GRID2: variants seen among roughly 807,000 people sequenced by gnomAD.
GRID2 encodes glutamate receptor ionotropic, delta-2.
A neutral mutation model predicts 114.8 loss-of-function variants in GRID2; 33 were observed. That is an observed-to-expected ratio of 0.29 (90% CI 0.22 to 0.38). The LOEUF (loss-of-function observed/expected upper bound fraction) is 0.38, where lower values mean the gene tolerates loss of function less well. Ranked by LOEUF, GRID2 falls within the 10% of genes least tolerant of loss-of-function variation. GRID2 has a pLI of 1.00. For synonymous variants in GRID2, 505 were observed against 449.9 expected (o/e 1.12, Z -1.55); for missense variants, 1,184 against 1,257.7 (o/e 0.94, Z 0.89).
At chr4:93,627,613 G>A (rs986931259) in intron 14 of GRID2, among the ~76,000 whole-genome samples, 8 of 152,188 alleles carry the variant, frequency 5.3e-5, no homozygotes, top group African/African-American at 1.9e-4. Context: ...TTCAAGCTGT[G>A]GGTCAACTGC....
At chr4:92,987,846 A>G (rs1273124861) in intron 2 of GRID2, among the ~76,000 whole-genome samples, 1 of 152,154 alleles carries the variant, frequency 6.6e-6, no homozygotes, top group African/African-American at 2.4e-5. Context: ...TATGGTACCG[A>G]GAATGGGAGT....
intron 1 of GRID2, among the ~76,000 whole-genome samples, chr4:92,493,040 A>C (rs1056505751): frequency 1.3e-5 from 2 of 151,306 alleles, no homozygotes; most frequent in Non-Finnish European, 2.9e-5. Flanking sequence ...GAGGTCGGAG[A>C]ATTGCTTGAA....
Position 93,277,305 on chromosome 4 carries a change from G to A in GRID2, c.1245+38815G>A, listed in dbSNP as rs183843724. 2.5e-3 allele frequency among the ~76,000 whole-genome samples: 376 copies of A among 152,004 alleles called. 3 individuals carry two copies. The highest frequency in any genetic ancestry group is 8.2e-3 in the African/African-American group (341 of 41,546). On this transcript the variant is annotated intron_variant, in intron 8 of 15. Transcript: ENST00000282020. ...CACAATGAAACATAAGCAGGGACCT[G>A]ACACTGGCAAAGTTAGCATATTTGT...
intron 14 of GRID2, among the ~76,000 whole-genome samples, chr4:93,654,551 T>A (rs988897137): frequency 6.6e-6 from 1 of 152,172 alleles, no homozygotes; most frequent in Admixed American, 6.5e-5. Flanking sequence ...TATTACAGAC[T>A]ATAGTGCCTG....
intron 1 of GRID2, among the ~76,000 whole-genome samples, chr4:93,794,214 A>T (rs909955713): frequency 6.6e-6 from 1 of 152,178 alleles, no homozygotes; most frequent in Non-Finnish European, 1.5e-5. Flanking sequence ...TGGCAGTGAT[A>T]CGTCTGTGGA....
At position 93,481,100 on chromosome 4, in the gene GRID2, T is replaced by A. The variant is rs139656710; in HGVS notation, c.1859-9539T>A. On this transcript the variant is annotated intron_variant, in intron 11 of 15. Transcript: ENST00000282020. ...CCCTAATAGATACTTAATGTCATAC[T>A]ATTTGGTGTAAACTTTTATAAGTGG... Among the ~76,000 whole-genome samples the A allele has an allele frequency of 7.1e-3, 1,088 of 152,186 alleles. 13 individuals are homozygous for A. The highest frequency in any genetic ancestry group is 0.025 in the African/African-American group (1,037 of 41,566).
At chr4:93,049,267 A>G (rs1203230073) in intron 2 of GRID2, among the ~76,000 whole-genome samples, 2 of 152,062 alleles carry the variant, frequency 1.3e-5, no homozygotes, top group East Asian at 3.9e-4. Flanking sequence ...ACCTAACAGC[A>G]TTCTCATTTA....
At chr4:93,247,478 G>A (rs988910013) in intron 8 of GRID2, among the ~76,000 whole-genome samples, 8 of 152,022 alleles carry the variant, frequency 5.3e-5, no homozygotes, top group East Asian at 1.9e-4. Context: ...GTTCTCTTGC[G>A]CTCAGACATG....
intron 14 of GRID2, among the ~76,000 whole-genome samples, chr4:93,677,554 G>A (rs1056728011): frequency 2.7e-4 from 41 of 152,094 alleles, no homozygotes; most frequent in African/African-American, 5.8e-4. Context: ...CTGACACCTC[G>A]CACGGCCGGG....
In GRID2 at chr4:92,334,936, G is replaced by A. The variant is rs994346405; in HGVS notation, c.88+30192G>A. ...CTGGATCAAATTGTGCCTGGAGCCT[G>A]CCCTCCCTCTAGAGTTTTCATTATA... On this transcript the variant is annotated intron_variant, in intron 1 of 15. Transcript: ENST00000282020. 3.3e-5 allele frequency among the ~76,000 whole-genome samples: 5 copies of A among 152,170 alleles called. No individual in the cohort carries two copies. In the South Asian group the frequency reaches 1.0e-3, roughly 32 times the overall value.
intron 13 of GRID2, among the ~76,000 whole-genome samples, chr4:93,530,097 A>G (rs973989634): frequency 6.6e-5 from 10 of 152,066 alleles, no homozygotes; most frequent in Admixed American, 6.6e-4. Flanking sequence ...ACATCTCTCC[A>G]ATTTATTCTC....
chr4:92,921,283 C>T (rs181356787), intron 2 of GRID2, among the ~76,000 whole-genome samples: 69 of 152,018 alleles, frequency 4.5e-4, no homozygotes, highest in Middle Eastern at 3.4e-3. Flanking sequence ...ACTTCTTTAC[C>T]GTGGGTTCGA....
intron 2 of GRID2, among the ~76,000 whole-genome samples, chr4:92,805,418 C>T (rs1007969467): frequency 6.6e-6 from 1 of 152,022 alleles, no homozygotes; most frequent in African/African-American, 2.4e-5. Context: ...GGAAATACAA[C>T]ATCCTTCTTT....
At chr4:93,441,130 T>C (rs1194116194) in intron 10 of GRID2, among the ~76,000 whole-genome samples, 1 of 152,116 alleles carries the variant, frequency 6.6e-6, no homozygotes, top group African/African-American at 2.4e-5. Context: ...AAATCCACGG[T>C]TGGCTATTGA....
chr4:93,000,986 A>G (rs1295673160), intron 2 of GRID2, among the ~76,000 whole-genome samples: 1 of 151,674 alleles, frequency 6.6e-6, no homozygotes, highest in Non-Finnish European at 1.5e-5. Context: ...CAAAAAAGTA[A>G]TAAGTAGATA....
intron 8 of GRID2, among the ~76,000 whole-genome samples, chr4:93,284,988 C>T (rs567160943): frequency 6.6e-6 from 1 of 151,938 alleles, no homozygotes; most frequent in East Asian, 1.9e-4. Context: ...AAAACTGATA[C>T]ATCAGTGATG....
chr4:92,575,799 T>C (rs1323025382), intron 1 of GRID2, among the ~76,000 whole-genome samples: 1 of 152,152 alleles, frequency 6.6e-6, no homozygotes, highest in Non-Finnish European at 1.5e-5. Flanking sequence ...AGCTGAGATA[T>C]TTGAACAGCC....
intron 12 of GRID2, among the ~76,000 whole-genome samples, chr4:93,494,174 T>A (rs996136647): frequency 6.6e-6 from 1 of 151,892 alleles, no homozygotes; most frequent in African/African-American, 2.4e-5. Context: ...AATGTCATGC[T>A]TCTTAATCAT....
At chr4:93,756,333 C>CT (rs1396377357) in intron 14 of GRID2, among the ~76,000 whole-genome samples, 19 of 152,226 alleles carry the variant, frequency 1.2e-4, no homozygotes, top group African/African-American at 4.6e-4. Context: ...TGCTGCTGTG[C>CT]TGCGTATTTC....
Sources: allele counts gnomAD v4.1 joint callset (sites outside exome capture counted in the v4.1 genomes callset), GRCh38; gene constraint gnomAD v4.1.1; transcripts MANE v1.5; gene names NCBI Gene and HGNC (gene_info 2026-07-23, HGNC 2026-07-21).